The following FSTL4 variants were observed in gnomAD, a reference collection of about 807,000 sequenced individuals.
FSTL4 encodes the protein follistatin-related protein 4.
In FSTL4, 28 loss-of-function variants were observed where a neutral mutation model predicts 78.2. The ratio of observed to expected loss-of-function variants is 0.36; its 90% CI spans 0.27 to 0.49. The LOEUF (loss-of-function observed/expected upper bound fraction) is 0.49, where lower values mean the gene tolerates loss of function less well. FSTL4 is among the 20% of genes least tolerant of loss of function. The probability of loss-of-function intolerance (pLI) is 0.98; values close to 1 mark genes in which losing one functional copy is unlikely to be tolerated. For missense variants in FSTL4, 922 were observed against 1,084.9 expected, an observed-to-expected ratio of 0.85 and a Z score of 2.11; for synonymous variants, 422 against 440.5, an observed-to-expected ratio of 0.96 and a Z score of 0.53.
chr5:133,747,325 G>C, the FSTL4 span, among the ~76,000 whole-genome samples: 1 of 152,144 alleles, frequency 6.6e-6, no homozygotes, highest in Non-Finnish European at 1.5e-5. Flanking sequence ...GCAGGCCTGT[G>C]GAAGCTAAAG....
chr5:133,597,238 A>G (rs1165754115), intron 2 of FSTL4, among the ~76,000 whole-genome samples: 1 of 152,224 alleles, frequency 6.6e-6, no homozygotes, highest in Non-Finnish European at 1.5e-5. Flanking sequence ...CCTGAAGAGT[A>G]GAGCCCACTC....
the FSTL4 span, among the ~76,000 whole-genome samples, chr5:133,679,687 G>A: frequency 6.6e-6 from 1 of 152,120 alleles, no homozygotes; most frequent in East Asian, 1.9e-4. Flanking sequence ...TCATCTATTT[G>A]CAGAACAGGC....
At chr5:133,540,720 C>CAAAAAAAAAAAAAAAAAAAAAAGA (rs79162509) in intron 3 of FSTL4, among the ~76,000 whole-genome samples, 7 of 70,264 alleles carry the variant, frequency 1.0e-4, no homozygotes, top group Non-Finnish European at 1.3e-4. Flanking sequence ...TTAACATAGG[C>CAAAAAAAAAAAAAAAAAAAAAAGA]AAAAAAAAAA....
chr5:133,261,586 G>A (rs892564178), intron 6 of FSTL4, among the ~76,000 whole-genome samples: 7 of 152,150 alleles, frequency 4.6e-5, no homozygotes, highest in Non-Finnish European at 8.8e-5. Context: ...GGCCAGGCGC[G>A]GTGCTCACGC....
the FSTL4 span, among the ~76,000 whole-genome samples, chr5:133,695,662 C>A: frequency 1.4e-4 from 21 of 152,282 alleles, no homozygotes; most frequent in South Asian, 1.7e-3. Flanking sequence ...CAAGCTCTTT[C>A]AACTTGTCAT....
chr5:133,631,913 C>T, the FSTL4 span, among the ~76,000 whole-genome samples: 1 of 152,090 alleles, frequency 6.6e-6, no homozygotes, highest in Non-Finnish European at 1.5e-5. Flanking sequence ...AAACCAAACA[C>T]CGCATGTTCT....
intron 3 of FSTL4, among the ~76,000 whole-genome samples, chr5:133,418,104 T>A (rs1203502277): frequency 6.9e-6 from 1 of 145,508 alleles, no homozygotes; most frequent in Non-Finnish European, 1.5e-5. Flanking sequence ...ACAACAAAAG[T>A]AAGGAAAAGA....
chr5:133,742,949 C>T, the FSTL4 span, among the ~76,000 whole-genome samples: 1 of 152,164 alleles, frequency 6.6e-6, no homozygotes, highest in Non-Finnish European at 1.5e-5. Context: ...GGAAAGTCAT[C>T]CCCGGGTGTG....
chr5:133,372,829 G>A (rs1269199040), intron 4 of FSTL4, among the ~76,000 whole-genome samples: 15 of 152,118 alleles, frequency 9.9e-5, no homozygotes, highest in Admixed American at 9.8e-4. Context: ...TATACAGGCC[G>A]GGCACTCTGC....
intron 3 of FSTL4, among the ~76,000 whole-genome samples, chr5:133,497,147 A>C (rs74377619): frequency 0.018 from 2,750 of 152,288 alleles, 46 homozygotes; most frequent in Non-Finnish European, 0.03. Context: ...CCAGCTCTGA[A>C]GCAATGGGTC....
the FSTL4 span, among the ~76,000 whole-genome samples, chr5:133,813,094 G>T: frequency 6.6e-6 from 1 of 152,168 alleles, no homozygotes; most frequent in Non-Finnish European, 1.5e-5. Context: ...TCAACCACAT[G>T]CCCACACTCA....
chr5:133,440,992 G>A lies in FSTL4; in HGVS notation c.161-40006C>T, dbSNP rs1757147991. 6.6e-6 allele frequency among the ~76,000 whole-genome samples: 1 copy of A among 152,200 alleles called. No homozygotes were observed. The highest frequency in any genetic ancestry group is 2.4e-5 in the African/African-American group (1 of 41,438). ...CCGGTGTCAGGGCCTGCACAGCACA[G>A]GGCCTGGCTTGGGGCAGTCTTGATG... On this transcript the variant is annotated intron_variant, in intron 3 of 15. Coordinates refer to ENST00000265342, the MANE Select transcript of FSTL4 (RefSeq NM_015082.2). This position sits in a 1 kb window ranked among gnomAD's most constrained non-coding sequence, Gnocchi z 4.1.
chr5:133,559,166 G>A (rs1759861870), intron 3 of FSTL4, among the ~76,000 whole-genome samples: 1 of 152,198 alleles, frequency 6.6e-6, no homozygotes, highest in Admixed American at 6.5e-5. Context: ...AAGCAGCAAT[G>A]AGATAAAAGA....
the FSTL4 span, among the ~76,000 whole-genome samples, chr5:133,644,379 T>G: frequency 6.6e-6 from 1 of 152,126 alleles, no homozygotes; most frequent in Non-Finnish European, 1.5e-5. Context: ...ACAGTGGAAT[T>G]AACTTGCTGA....
chr5:133,395,717 C>T (rs1361139877), intron 4 of FSTL4, among the ~76,000 whole-genome samples: 1 of 150,800 alleles, frequency 6.6e-6, no homozygotes, highest in Non-Finnish European at 1.5e-5. Flanking sequence ...GTACTTCATG[C>T]CTGTACTCCT....
At chr5:133,201,678 C>T (rs1461181472) in intron 15 of FSTL4, among the ~76,000 whole-genome samples, 1 of 152,188 alleles carries the variant, frequency 6.6e-6, no homozygotes, top group African/African-American at 2.4e-5. Flanking sequence ...ATGGGACTTC[C>T]TGACCTTTCT....
chr5:133,400,866 C>T lies in FSTL4; in HGVS notation c.281G>A (p.Arg94Lys). Residue 94 changes from arginine (R) to lysine (K), a missense_variant, in exon 4 of 16, where the codon AGG becomes AAG. Physicochemically the swap from Arg to Lys is conservative, Grantham distance 26. Coordinates refer to ENST00000265342, the MANE Select transcript of FSTL4 (RefSeq NM_015082.2). Reference sequence around the variant, plus strand: ...GCCGCACACAGGCACGTAGCTGGGCCTGCATGCCTCCAGGCACTGGCATTC... The same window carrying T: ...GCCGCACACAGGCACGTAGCTGGGCTTGCATGCCTCCAGGCACTGGCATTC... Reference protein sequence around the residue: ...EPECQCLEACRPSYVPVCGSD... With the variant: ...EPECQCLEACKPSYVPVCGSD... The T allele has an allele frequency of 6.2e-7, 1 of 1,613,988 alleles. No homozygotes were observed. The highest frequency in any genetic ancestry group is 8.5e-7 in the Non-Finnish European group (1 of 1,180,036).
At chr5:133,648,406 C>T in the FSTL4 span, among the ~76,000 whole-genome samples, 1 of 152,170 alleles carries the variant, frequency 6.6e-6, no homozygotes, top group African/African-American at 2.4e-5. Context: ...GAGGGTATCC[C>T]TTGACTACAC....
intron 3 of FSTL4, among the ~76,000 whole-genome samples, chr5:133,532,536 T>C (rs1308754401): frequency 1.3e-5 from 2 of 152,074 alleles, no homozygotes; most frequent in African/African-American, 4.8e-5. Context: ...ACTGGTTACT[T>C]AAGAGCTCCC....
Sources: allele counts gnomAD v4.1 joint callset (sites outside exome capture counted in the v4.1 genomes callset), GRCh38; gene constraint gnomAD v4.1.1; non-coding constraint Gnocchi (gnomAD v3.1); transcripts MANE v1.5; gene names NCBI Gene and HGNC (gene_info 2026-07-23, HGNC 2026-07-21).